Variants in POTEE observed in about 807,000 individuals in gnomAD.
POTEE encodes POTE ankyrin domain family member E.
POTEE carries 21 observed loss-of-function variants against 74.2 expected under a neutral mutation model. That is an observed-to-expected ratio of 0.28 (90% CI 0.20 to 0.41). POTEE has a LOEUF of 0.41. Ranked by LOEUF, POTEE falls within the 10% of genes least tolerant of loss-of-function variation. The pLI is 1.00. For synonymous variants in POTEE, 211 were observed against 432.8 expected, an observed-to-expected ratio of 0.49 and a Z score of 6.36; for missense variants, 525 against 1,158.6, an observed-to-expected ratio of 0.45 and a Z score of 7.94.
intron 16 of POTEE, among the ~76,000 whole-genome samples, chr2:131,255,565 GTTTTTT>G (rs752323540): frequency 3.6e-3 from 49 of 13,576 alleles, no homozygotes; most frequent in African/African-American, 9.4e-3. Flanking sequence ...CTTTCTCATA[GTTTTTT>G]TTTTTTTTTT....
chr2:131,261,142 G>A (rs1374576609), intron 16 of POTEE, among the ~76,000 whole-genome samples: 1 of 146,922 alleles, frequency 6.8e-6, no homozygotes, highest in African/African-American at 2.6e-5. Flanking sequence ...GAGGTTCGAG[G>A]CAGGTGAGCA....
intron 9 of POTEE, among the ~76,000 whole-genome samples, chr2:131,235,527 G>A (rs1346798459): frequency 1.3e-5 from 2 of 151,948 alleles, no homozygotes; most frequent in Non-Finnish European, 2.9e-5. Flanking sequence ...CAAGTGTGGT[G>A]GCTCACACCT....
intron 9 of POTEE, among the ~76,000 whole-genome samples, chr2:131,233,193 A>T (rs1054250850): frequency 2.0e-5 from 3 of 152,122 alleles, no homozygotes; most frequent in African/African-American, 7.3e-5. Context: ...CATTCTGGTT[A>T]TGGTGTAAAA....
chr2:131,211,246 G>A (rs187264158), intron 2 of POTEE, among the ~76,000 whole-genome samples, 63 bp downstream of exon 2: 14 of 151,986 alleles, frequency 9.2e-5, no homozygotes, highest in Admixed American at 3.9e-4. Flanking sequence ...CTGCATTGAC[G>A]GCGACAGCAA....
chr2:131,225,768 C>T (rs1271330287), intron 6 of POTEE, among the ~76,000 whole-genome samples: 1 of 150,412 alleles, frequency 6.6e-6, no homozygotes, highest in Admixed American at 6.6e-5. Context: ...TCAAGCGATT[C>T]ACCCACCTCA....
In POTEE at chr2:131,263,818, A is replaced by G. The variant is rs1421431534; in HGVS notation, c.2363A>G (p.His788Arg). 2.5e-6 allele frequency: 4 copies of G among 1,614,006 alleles called. No homozygotes were observed. The highest frequency in any genetic ancestry group is 2.2e-5 in the East Asian group (1 of 44,870). ...GATGACATGGAGAAGATCTGGCACC[A>G]CACCTTCTACAACGAGCTGCGTGTG... ...NWDDMEKIWH[H>R]TFYNELRVAP... is the part of the protein sequence containing the mutation. The change falls in exon 18 of 18, where the codon CAC becomes CGC. Residue 788 changes from histidine to arginine, a missense_variant. Transcript: ENST00000683005.
intron 1 of POTEE, among the ~76,000 whole-genome samples, 55 bp from the exon 2 acceptor site, chr2:131,210,973 G>T: frequency 6.6e-6 from 1 of 151,354 alleles, no homozygotes; most frequent in East Asian, 1.9e-4. Context: ...GCCACCCAGT[G>T]GCCAGCATGA....
intron 12 of POTEE, among the ~76,000 whole-genome samples, chr2:131,243,544 G>C (rs1324147933): frequency 1.3e-5 from 2 of 152,082 alleles, no homozygotes. Flanking sequence ...TAAGTGAATG[G>C]AGTTTATCCT....
Position 131,218,388 on chromosome 2 carries a change from G to A in POTEE, c.-15G>A, listed in dbSNP as rs1408844824. 6 of 1,612,034 alleles carry A rather than the reference G, an allele frequency of 3.7e-6. No individual in the cohort carries two copies. Among genetic ancestry groups the A allele is most frequent in the Non-Finnish European group, 5.1e-6 (6 of 1,179,608 alleles). ...CTGTTGGCTACTACTGGCTTCTCCT[G>A]GCTGTTAAAAGCAGATGGTGGTTGA... On this transcript the variant is annotated 5_prime_UTR_variant, in exon 4 of 18. Coordinates refer to ENST00000683005, the MANE Select transcript of POTEE (RefSeq NM_001083538.3).
intron 9 of POTEE, among the ~76,000 whole-genome samples, chr2:131,233,181 G>A: frequency 6.6e-6 from 1 of 152,132 alleles, no homozygotes; most frequent in East Asian, 1.9e-4. Flanking sequence ...TGAGTATTAA[G>A]GCATTCTGGT....
At chr2:131,237,549 C>A (rs1208040518) in intron 10 of POTEE, among the ~76,000 whole-genome samples, 1 of 151,734 alleles carries the variant, frequency 6.6e-6, no homozygotes, top group African/African-American at 2.4e-5. Context: ...AAATCTTTAT[C>A]CACTGTAATT....
Position 131,264,014 on chromosome 2 carries a change from G to A in POTEE, c.2559G>A (p.Met853Ile), listed in dbSNP as rs760357928. The stretch of plus-strand genomic sequence containing the variant: ...CTGGCCGTACTACTGGCATCGTGAT[G>A]GACTCTGGTGACGGGGTCACCCACA... ...YTSGRTTGIVMDSGDGVTHTV... is the reference protein window; with the variant it reads ...YTSGRTTGIVIDSGDGVTHTV... Residue 853 changes from methionine to isoleucine, a missense_variant, in exon 18 of 18, where the codon ATG becomes ATA. Transcript: ENST00000683005. The A allele has an allele frequency of 3.7e-6, 6 of 1,614,198 alleles. No homozygotes were observed. Among genetic ancestry groups the A allele is most frequent in the East Asian group, 2.2e-5 (1 of 44,872 alleles).
At chr2:131,231,394 C>T (rs1700951285) in intron 9 of POTEE, among the ~76,000 whole-genome samples, 3 of 151,770 alleles carry the variant, frequency 2.0e-5, no homozygotes, top group African/African-American at 7.3e-5. Flanking sequence ...CTCACCTCCT[C>T]CTGTGTGGTG....
At chr2:131,230,210 A>G (rs1700906131) in intron 8 of POTEE, among the ~76,000 whole-genome samples, 1 of 152,286 alleles carries the variant, frequency 6.6e-6, no homozygotes, top group Admixed American at 6.5e-5. Flanking sequence ...CATAGTTGAG[A>G]TGCCCTGAAT....
At chr2:131,257,147 T>C (rs1701600752) in intron 16 of POTEE, among the ~76,000 whole-genome samples, 1 of 123,322 alleles carries the variant, frequency 8.1e-6, no homozygotes, top group African/African-American at 3.2e-5. Context: ...TTTCCTGCTT[T>C]AGTTTTTCTC....
At chr2:131,232,049 T>G (rs1359666106) in intron 9 of POTEE, among the ~76,000 whole-genome samples, 2 of 151,798 alleles carry the variant, frequency 1.3e-5, no homozygotes, top group African/African-American at 2.4e-5. Flanking sequence ...ATTTATGTTT[T>G]CACTTGTCCA....
intron 4 of POTEE, among the ~76,000 whole-genome samples, chr2:131,221,082 A>G (rs1275514422): frequency 6.6e-6 from 1 of 152,224 alleles, no homozygotes; most frequent in African/African-American, 2.4e-5. Flanking sequence ...CAGCTTTTCA[A>G]ACAAACACTT....
chr2:131,231,450 G>A (rs1700954928), intron 9 of POTEE, among the ~76,000 whole-genome samples: 1 of 152,082 alleles, frequency 6.6e-6, no homozygotes, highest in Non-Finnish European at 1.5e-5. Context: ...TGGCCTGGGA[G>A]TTGAGGACCC....
rs369866430 is a variant in POTEE at position 131,263,820 on chromosome 2, A to G, written c.2365A>G (p.Thr789Ala). Residue 789 changes from threonine (T) to alanine (A), a missense_variant, in exon 18 of 18, where the codon ACC becomes GCC. By Grantham distance (58) the Thr-to-Ala change is moderately conservative. Transcript: ENST00000683005. ...TGACATGGAGAAGATCTGGCACCAC[A>G]CCTTCTACAACGAGCTGCGTGTGGC... ...WDDMEKIWHH[T>A]FYNELRVAPE... The G allele has an allele frequency of 4.3e-5, 69 of 1,613,968 alleles. No homozygotes were observed. The African/African-American group carries it at 6.9e-4, about 16-fold the overall frequency.
Sources: allele counts gnomAD v4.1 joint callset (sites outside exome capture counted in the v4.1 genomes callset), GRCh38; gene constraint gnomAD v4.1.1; transcripts MANE v1.5; gene names NCBI Gene and HGNC (gene_info 2026-07-23, HGNC 2026-07-21).